Variants in ANKRD12 observed in about 807,000 individuals in gnomAD.
ANKRD12 encodes the protein ankyrin repeat domain 12, also known as ankyrin repeat domain-containing protein 12.
Under a neutral mutation model 183.4 loss-of-function variants are expected in ANKRD12, and 85 were observed. The ratio of observed to expected loss-of-function variants is 0.46; its 90% CI spans 0.39 to 0.56. The LOEUF (loss-of-function observed/expected upper bound fraction) is 0.56, where lower values mean the gene tolerates loss of function less well. Ranked by LOEUF, ANKRD12 falls within the 20% of genes least tolerant of loss-of-function variation. The pLI is 0.00. For synonymous variants in ANKRD12, 914 were observed against 800.2 expected, an observed-to-expected ratio of 1.14 and a Z score of -2.40; for missense variants, 2,405 against 2,357.1, an observed-to-expected ratio of 1.02 and a Z score of -0.42.
Position 9,141,888 on chromosome 18 carries a change from T to TG in ANKRD12, c.-52+4927dup, listed in dbSNP as rs1359241397. ...TTAATCTCTAATAATATGCATAGATTGGGGAATTGTTAACCTTTTAAAATA... is the reference window on the plus strand; with the variant it reads ...TTAATCTCTAATAATATGCATAGATTGGGGGAATTGTTAACCTTTTAAAATA... On this transcript the variant is annotated intron_variant, in intron 1 of 12. Coordinates refer to ENST00000262126, the MANE Select transcript of ANKRD12 (RefSeq NM_015208.5). 2.0e-5 allele frequency among the ~76,000 whole-genome samples: 3 copies of TG among 152,240 alleles called. No individual in the cohort carries two copies. The East Asian group carries it at 5.8e-4, about 29-fold the overall frequency.
intron 11 of ANKRD12, 139 bp from the exon 12 acceptor site, chr18:9,279,410 G>T: frequency 1.8e-6 from 1 of 564,482 alleles, no homozygotes; most frequent in Non-Finnish European, 3.1e-6. Context: ...ACCAACTTCA[G>T]CAGTATTCAA....
At chr18:9,185,805 C>G (rs2034009547) in intron 2 of ANKRD12, among the ~76,000 whole-genome samples, 1 of 152,132 alleles carries the variant, frequency 6.6e-6, no homozygotes, top group Non-Finnish European at 1.5e-5. Flanking sequence ...AAGAGAGAGT[C>G]TGCACTGCCA....
At position 9,257,616 on chromosome 18, in the gene ANKRD12, GT is replaced by G; in HGVS notation, c.4354del (p.Cys1452ValfsTer8). The part of the protein sequence containing the change: ...NIPDQESSLQ[S>X]FCNSENKVLK... Reference sequence around the variant, plus strand: ...CCTGATCAAGAATCCTCTCTTCAGAGTTTTTGTAATTCTGAAAATAAGGTAT... The same window carrying G: ...CCTGATCAAGAATCCTCTCTTCAGAGTTTTGTAATTCTGAAAATAAGGTAT... On this transcript the variant is annotated frameshift_variant, in exon 9 of 13. Transcript: ENST00000262126. LOFTEE classifies it high-confidence loss of function. 6.2e-7 allele frequency: 1 copy of G among 1,614,004 alleles called. No individual in the cohort carries two copies. Among genetic ancestry groups the G allele is most frequent in the Non-Finnish European group, 8.5e-7 (1 of 1,179,956 alleles).
intron 9 of ANKRD12, among the ~76,000 whole-genome samples, 170 bp downstream of exon 9, chr18:9,259,101 A>C (rs1484830844): frequency 6.6e-6 from 1 of 152,154 alleles, no homozygotes; most frequent in Non-Finnish European, 1.5e-5. Context: ...TCATTCCCCA[A>C]CTTTATTTTC....
chr18:9,224,306 A>C (rs561159568), intron 8 of ANKRD12, among the ~76,000 whole-genome samples: 10 of 152,328 alleles, frequency 6.6e-5, no homozygotes, highest in African/African-American at 2.4e-4. Flanking sequence ...AGGGATATGA[A>C]AGGAGAAAGA....
At chr18:9,173,372 T>A (rs2032933901) in intron 1 of ANKRD12, among the ~76,000 whole-genome samples, 1 of 151,996 alleles carries the variant, frequency 6.6e-6, no homozygotes, top group Non-Finnish European at 1.5e-5. Flanking sequence ...CCTGGCCAGT[T>A]GCTGACCTTT....
At chr18:9,189,992 G>A (rs914063959) in intron 2 of ANKRD12, among the ~76,000 whole-genome samples, 3 of 152,198 alleles carry the variant, frequency 2.0e-5, no homozygotes, top group Non-Finnish European at 4.4e-5. Context: ...CTGCCATAGA[G>A]AGTGATTCCT....
At chr18:9,272,472 G>A (rs1036534582) in intron 10 of ANKRD12, among the ~76,000 whole-genome samples, 4 of 151,914 alleles carry the variant, frequency 2.6e-5, no homozygotes, top group African/African-American at 4.8e-5. Flanking sequence ...TGAGGCAGGA[G>A]AATCACTTGA....
At position 9,263,943 on chromosome 18, in the gene ANKRD12, A is replaced by C. The variant is rs572668294; in HGVS notation, c.5763+55A>C. 170 of 1,239,958 alleles carry C rather than the reference A, an allele frequency of 1.4e-4. 1 individual carries two copies. The East Asian group carries it at 4.5e-3, about 33-fold the overall frequency. The allele number at this position is 1,239,958 out of a possible 1,614,324, so 76.8% of individuals were successfully genotyped here. A position where few individuals can be genotyped will look rare whatever the true frequency, so the allele number is the denominator to read the frequency against. On this transcript the variant is annotated intron_variant, in intron 10 of 12. Coordinates refer to ENST00000262126, the MANE Select transcript of ANKRD12 (RefSeq NM_015208.5). ...TAAAAATAACTGGTTTCTAGCAATA[A>C]ATTAAAATGGCCTATAATTTTTTAT...
intron 8 of ANKRD12, 26 bp from the exon 9 acceptor site, chr18:9,254,185 A>G (rs866621185): frequency 6.8e-7 from 1 of 1,472,118 alleles, no homozygotes; most frequent in South Asian, 1.5e-5. Flanking sequence ...TTTGACCCAC[A>G]CCACATTTTC....
intron 2 of ANKRD12, among the ~76,000 whole-genome samples, chr18:9,187,393 A>G (rs2034157875): frequency 6.6e-6 from 1 of 152,110 alleles, no homozygotes; most frequent in Non-Finnish European, 1.5e-5. Flanking sequence ...AGAGAGCAGG[A>G]CCCTGCTGTC....
At chr18:9,223,096 A>G (rs2036511481) in intron 8 of ANKRD12, among the ~76,000 whole-genome samples, 1 of 152,206 alleles carries the variant, frequency 6.6e-6, no homozygotes, top group South Asian at 2.1e-4. Flanking sequence ...AAAACCAACA[A>G]CAACATTTGA....
chr18:9,262,286 G>C (rs910388216), intron 9 of ANKRD12, among the ~76,000 whole-genome samples: 11 of 152,156 alleles, frequency 7.2e-5, no homozygotes, highest in African/African-American at 2.4e-4. Flanking sequence ...TAAACCAGAA[G>C]TGTTATAACT....
chr18:9,256,666 C>A lies in ANKRD12; in HGVS notation c.3399C>A (p.Ser1133=). Residue 1133 remains serine (S), a synonymous_variant, in exon 9 of 13, where the codon TCC becomes TCA. Coordinates refer to ENST00000262126, the MANE Select transcript of ANKRD12 (RefSeq NM_015208.5). ...AAACAAAGCATACACCAACTGAATC[C>A]AAAAATAAAGAACTTACTAGGTCAA... ...KEKTKHTPTE[S]KNKELTRSKS... The A allele has an allele frequency of 6.2e-7, 1 of 1,606,452 alleles. No individual in the cohort carries two copies. The highest frequency in any genetic ancestry group is 8.5e-7 in the Non-Finnish European group (1 of 1,178,228).
intron 9 of ANKRD12, among the ~76,000 whole-genome samples, chr18:9,261,628 T>G (rs546001386): frequency 2.6e-5 from 4 of 152,314 alleles, no homozygotes; most frequent in Non-Finnish European, 5.9e-5. Context: ...GACAAAATGG[T>G]GTGAAATGAT....
At chr18:9,179,267 T>C (rs1355601895) in intron 1 of ANKRD12, among the ~76,000 whole-genome samples, 1 of 152,106 alleles carries the variant, frequency 6.6e-6, no homozygotes, top group Non-Finnish European at 1.5e-5. Context: ...TTTTCTTGCC[T>C]TATTGAACTT....
intron 1 of ANKRD12, among the ~76,000 whole-genome samples, chr18:9,181,432 A>G (rs892028218): frequency 2.0e-5 from 3 of 152,200 alleles, no homozygotes; most frequent in Admixed American, 2.0e-4. Flanking sequence ...ATCCATCTGT[A>G]GGAGATTTAT....
intron 2 of ANKRD12, among the ~76,000 whole-genome samples, chr18:9,190,187 G>GTAGA (rs1250369214): frequency 6.6e-6 from 1 of 152,116 alleles, no homozygotes; most frequent in Non-Finnish European, 1.5e-5. Context: ...GGAACTAACT[G>GTAGA]TAGATGGGAT....
intron 1 of ANKRD12, among the ~76,000 whole-genome samples, chr18:9,175,410 T>A (rs1309397385): frequency 1.3e-5 from 2 of 151,982 alleles, no homozygotes; most frequent in Non-Finnish European, 2.9e-5. Context: ...TGTTATTGGA[T>A]TTTCTCCCTG....
Sources: gnomAD v4.1 joint callset for allele counts (sites outside exome capture counted in the v4.1 genomes callset) on GRCh38, gnomAD v4.1.1 for gene constraint, MANE v1.5 for transcripts, NCBI Gene and HGNC (gene_info 2026-07-23, HGNC 2026-07-21) for gene names.